The following ZNF827 variants were observed in gnomAD, a reference collection of about 807,000 sequenced individuals.
ZNF827 encodes zinc finger protein 827.
Under a neutral mutation model 102.4 loss-of-function variants are expected in ZNF827, and 13 were observed. That is an observed-to-expected ratio of 0.13 (90% CI 0.08 to 0.20). The LOEUF is 0.20. Ranked by LOEUF, ZNF827 falls within the 10% of genes least tolerant of loss-of-function variation. ZNF827 has a pLI of 1.00. For missense variants in ZNF827, 1,103 were observed against 1,344.4 expected (o/e 0.82, Z 2.81); for synonymous variants, 523 against 536.2 (o/e 0.98, Z 0.34).
rs755503898 is a variant in ZNF827 at position 145,903,065 on chromosome 4, G to A, written c.194C>T (p.Thr65Met). ...GCTTCCCAAGGAGGTGTCCGGGGAC[G>A]TGGACTGCTCCTGGATCCGGTCCTC... is the stretch of plus-strand genomic sequence containing the variant. ...SLEDRIQEQSTSPDTSLGSTT... is the reference protein window; with the variant it reads ...SLEDRIQEQSMSPDTSLGSTT... The change falls in exon 2 of 15, where the codon ACG (threonine) becomes ATG (methionine). Residue 65 changes from threonine to methionine, a missense_variant. Transcript: ENST00000508784. 13 of 1,614,084 alleles carry A rather than the reference G, an allele frequency of 8.1e-6. No homozygotes were observed. Among genetic ancestry groups the A allele is most frequent in the African/African-American group, 2.7e-5 (2 of 74,924 alleles).
intron 1 of ZNF827, among the ~76,000 whole-genome samples, chr4:145,911,635 T>C (rs548763072): frequency 3.3e-5 from 5 of 152,346 alleles, no homozygotes; most frequent in East Asian, 1.9e-4. Flanking sequence ...ATTTTACAGA[T>C]GGAAAAGCCT....
chr4:145,926,785 A>G (rs1753460021), intron 1 of ZNF827, among the ~76,000 whole-genome samples: 1 of 152,036 alleles, frequency 6.6e-6, no homozygotes, highest in South Asian at 2.1e-4. Flanking sequence ...CTTATGGAGT[A>G]CGCCCAAGTC....
At chr4:145,768,916 T>TATATATAA (rs34051922) in intron 11 of ZNF827, among the ~76,000 whole-genome samples, 2,531 of 34,272 alleles carry the variant, frequency 0.074, 560 homozygotes, top group East Asian at 0.12. Context: ...TATATATATA[T>TATATATAA]TAGGTATACA....
intron 2 of ZNF827, among the ~76,000 whole-genome samples, chr4:145,892,703 C>T (rs1156986565): frequency 6.6e-6 from 1 of 152,236 alleles, no homozygotes; most frequent in African/African-American, 2.4e-5. Flanking sequence ...AAGACATCGG[C>T]AAAGGGGCTT....
intron 3 of ZNF827, among the ~76,000 whole-genome samples, chr4:145,891,554 G>A (rs1750604889): frequency 6.6e-6 from 1 of 152,134 alleles, no homozygotes; most frequent in Non-Finnish European, 1.5e-5. Context: ...GTTTAGTGTA[G>A]GTTTGAGCTC....
intron 5 of ZNF827, among the ~76,000 whole-genome samples, chr4:145,862,922 C>T (rs1747870154): frequency 6.6e-6 from 1 of 152,120 alleles, no homozygotes; most frequent in Non-Finnish European, 1.5e-5. Flanking sequence ...TAAAAACGTT[C>T]ATGCTGCAAA....
chr4:145,935,422 A>G (rs1392202238), intron 1 of ZNF827, among the ~76,000 whole-genome samples: 1 of 152,224 alleles, frequency 6.6e-6, no homozygotes, highest in Non-Finnish European at 1.5e-5. Flanking sequence ...TGAACTGCAA[A>G]ATACACCATT....
Position 145,851,289 on chromosome 4 carries a change from GATA to G in ZNF827, c.1982-1731_1982-1729del, listed in dbSNP as rs1363394298. Among the ~76,000 whole-genome samples the G allele has an allele frequency of 2.6e-5, 4 of 151,044 alleles. No individual in the cohort carries two copies. In the East Asian group the frequency reaches 7.7e-4, roughly 29 times the overall value. ...GAAACTTCAGATAGATAGATAGATA[GATA>G]GATAGACAGACAGACAGGCAGACAG... is the stretch of plus-strand genomic sequence containing the variant. On this transcript the variant is annotated intron_variant, in intron 5 of 14. Coordinates refer to ENST00000508784, the MANE Select transcript of ZNF827 (RefSeq NM_001306215.2).
At chr4:145,802,458 A>C (rs1579232825) in intron 8 of ZNF827, among the ~76,000 whole-genome samples, 1 of 152,332 alleles carries the variant, frequency 6.6e-6, no homozygotes, top group Middle Eastern at 3.4e-3. Context: ...TTTGGCACAA[A>C]CCAGCCTGTT....
chr4:145,844,175 ATGGAT>A (rs1745687151), intron 7 of ZNF827, among the ~76,000 whole-genome samples: 1 of 152,110 alleles, frequency 6.6e-6, no homozygotes, highest in African/African-American at 2.4e-5. Flanking sequence ...AGGGGGCAGG[ATGGAT>A]TCCATGGGAG....
chr4:145,813,535 G>A (rs530383075), intron 8 of ZNF827, among the ~76,000 whole-genome samples: 78 of 152,164 alleles, frequency 5.1e-4, no homozygotes, highest in African/African-American at 1.8e-3. Flanking sequence ...GATGAGTGGG[G>A]ACTAATGCAG....
At chr4:145,935,867 AGCTGCCCGACTGC>A (rs753176292) in intron 1 of ZNF827, among the ~76,000 whole-genome samples, 35 of 152,306 alleles carry the variant, frequency 2.3e-4, no homozygotes, top group Non-Finnish European at 4.7e-4. Flanking sequence ...GGCACGCTGC[AGCTGCCCGACTGC>A]ACTACACACA....
intron 8 of ZNF827, among the ~76,000 whole-genome samples, chr4:145,792,730 TC>T (rs1739884942): frequency 6.6e-6 from 1 of 152,174 alleles, no homozygotes; most frequent in African/African-American, 2.4e-5. Context: ...ATTCAATAAT[TC>T]AACTCCAAAG....
At chr4:145,853,822 G>A (rs549136255) in intron 5 of ZNF827, among the ~76,000 whole-genome samples, 10 of 152,122 alleles carry the variant, frequency 6.6e-5, no homozygotes, top group South Asian at 2.1e-4. Context: ...AAAATTAGCT[G>A]AGTGTGGTGG....
At position 145,765,758 on chromosome 4, in the gene ZNF827, C is replaced by A. The variant is rs750433669; in HGVS notation, c.2861-20G>T. The A allele has an allele frequency of 5.6e-6, 9 of 1,609,242 alleles. No homozygotes were observed. Among genetic ancestry groups the A allele is most frequent in the Non-Finnish European group, 8.5e-7 (1 of 1,177,418 alleles). ...CTTCCCCTGAAAAATAAGCAAATAA[C>A]CCAGTCTGTTAATGAGATGAAAATC... On this transcript the variant is annotated intron_variant, in intron 11 of 14. Transcript: ENST00000508784. This position sits in a 1 kb window ranked among gnomAD's most constrained non-coding sequence, Gnocchi z 4.7.
chr4:145,807,712 C>T (rs544820270), intron 8 of ZNF827, among the ~76,000 whole-genome samples: 5 of 150,932 alleles, frequency 3.3e-5, no homozygotes, highest in South Asian at 2.1e-4. Context: ...CCTCGTGATT[C>T]GCCCGCCTTG....
chr4:145,843,807 A>C (rs1745655797), intron 7 of ZNF827, among the ~76,000 whole-genome samples: 1 of 152,236 alleles, frequency 6.6e-6, no homozygotes, highest in East Asian at 1.9e-4. Flanking sequence ...CCTGCAGGGG[A>C]TTACTTGAAG....
intron 8 of ZNF827, among the ~76,000 whole-genome samples, chr4:145,797,412 C>T (rs1368419822): frequency 2.0e-5 from 3 of 152,200 alleles, no homozygotes; most frequent in Admixed American, 6.5e-5. Flanking sequence ...TCTATAATAA[C>T]AGCCAGAGGA....
At chr4:145,882,799 G>A (rs752017308) in intron 4 of ZNF827, among the ~76,000 whole-genome samples, 1 of 152,198 alleles carries the variant, frequency 6.6e-6, no homozygotes, top group East Asian at 1.9e-4. Context: ...GCACCCTACA[G>A]TACCAGCAGG....
Sources: gnomAD v4.1 joint callset for allele counts (sites outside exome capture counted in the v4.1 genomes callset) on GRCh38, gnomAD v4.1.1 for gene constraint, Gnocchi (gnomAD v3.1) non-coding constraint, MANE v1.5 for transcripts, NCBI Gene and HGNC (gene_info 2026-07-23, HGNC 2026-07-21) for gene names.